The following OTUD7A variants were observed in gnomAD, a reference collection of about 807,000 sequenced individuals.
OTUD7A encodes OTU domain-containing protein 7A.
In OTUD7A, 12 loss-of-function variants were observed where a neutral mutation model predicts 65.7. The ratio of observed to expected loss-of-function variants is 0.18; its 90% confidence interval spans 0.12 to 0.30. The LOEUF (loss-of-function observed/expected upper bound fraction) is 0.30. Ranked by LOEUF, OTUD7A falls within the 10% of genes least tolerant of loss-of-function variation. The probability of loss-of-function intolerance (pLI) is 1.00; values close to 1 mark genes in which losing one functional copy is unlikely to be tolerated. For synonymous variants in OTUD7A, 641 were observed against 586.3 expected (o/e 1.09, Z -1.35); for missense variants, 1,148 against 1,304.8 (o/e 0.88, Z 1.85).
chr15:31,775,379 T>C (rs560098307), intron 1 of OTUD7A, among the ~76,000 whole-genome samples: 2 of 152,326 alleles, frequency 1.3e-5, no homozygotes, highest in East Asian at 3.9e-4. Context: ...GATGAAAACC[T>C]CTGCCTTTGT....
intron 4 of OTUD7A, among the ~76,000 whole-genome samples, chr15:31,560,146 C>G (rs1888643274): frequency 6.6e-6 from 1 of 152,242 alleles, no homozygotes; most frequent in African/African-American, 2.4e-5. Flanking sequence ...TGTCTCGATG[C>G]ATTTATGCAC....
At chr15:31,854,684 A>G (rs1897521187) in intron 1 of OTUD7A, among the ~76,000 whole-genome samples, 1 of 152,192 alleles carries the variant, frequency 6.6e-6, no homozygotes, top group African/African-American at 2.4e-5. Context: ...CCTTAATTCC[A>G]TGCTCAACTT....
chr15:31,753,686 GAT>G (rs1491311983), intron 1 of OTUD7A, among the ~76,000 whole-genome samples: 6 of 52,820 alleles, frequency 1.1e-4, no homozygotes, highest in African/African-American at 6.9e-4. Context: ...TAACCTGTGA[GAT>G]ATATATATAT....
At chr15:31,667,096 G>A (rs1174422620) in intron 1 of OTUD7A, among the ~76,000 whole-genome samples, 2 of 152,168 alleles carry the variant, frequency 1.3e-5, no homozygotes, top group African/African-American at 4.8e-5. Flanking sequence ...AATAGAATGT[G>A]CATTCCGTGG....
At position 31,511,363 on chromosome 15, in the gene OTUD7A, CAT is replaced by C. The variant is rs1170710600; in HGVS notation, c.894-7547_894-7546del. ...TATATGTATATCTATATGTAACACA[CAT>C]ATATATGTATATCTATATGTAACAC... On this transcript the variant is annotated intron_variant, in intron 8 of 12. Coordinates refer to ENST00000307050, the MANE Select transcript of OTUD7A (RefSeq NM_001382637.1). Among the ~76,000 whole-genome samples, 6 of 4,980 alleles carry C rather than the reference CAT, an allele frequency of 1.2e-3. 3 individuals are homozygous for C. The highest frequency in any genetic ancestry group is 9.7e-3 in the Admixed American group (2 of 206). 3.3% of individuals were successfully genotyped at this position (4,980 alleles called of 152,430 possible). A position where few individuals can be genotyped will look rare whatever the true frequency, so the allele number is the denominator to read the frequency against.
chr15:31,519,654 G>C (rs757334548), intron 8 of OTUD7A, among the ~76,000 whole-genome samples: 1 of 152,162 alleles, frequency 6.6e-6, no homozygotes, highest in African/African-American at 2.4e-5. Context: ...CCACAGCGCA[G>C]TCAGGCAAGA....
chr15:31,681,014 T>A (rs1029186583), intron 1 of OTUD7A, among the ~76,000 whole-genome samples: 1 of 149,688 alleles, frequency 6.7e-6, no homozygotes, highest in African/African-American at 2.6e-5. Flanking sequence ...AATATATGTA[T>A]CGGTCTGCCT....
chr15:31,612,900 T>C (rs554644095), intron 3 of OTUD7A, among the ~76,000 whole-genome samples: 1 of 152,224 alleles, frequency 6.6e-6, no homozygotes, highest in East Asian at 1.9e-4. Flanking sequence ...AACTATACTT[T>C]AAGGCCATAG....
chr15:31,632,734 G>GAGGC (rs1439150263), intron 3 of OTUD7A, among the ~76,000 whole-genome samples: 1 of 152,240 alleles, frequency 6.6e-6, no homozygotes, highest in Non-Finnish European at 1.5e-5. Flanking sequence ...GGAGCCTACA[G>GAGGC]AGGCAGGCAG....
At chr15:31,767,875 A>T in intron 1 of OTUD7A, 1 of 1,297,786 alleles carries the variant, frequency 7.7e-7, no homozygotes, top group Non-Finnish European at 1.1e-6. Flanking sequence ...GTAGAGTTTT[A>T]AGTGGCAACG....
intron 4 of OTUD7A, among the ~76,000 whole-genome samples, chr15:31,563,165 G>A (rs1888750332): frequency 6.6e-6 from 1 of 152,144 alleles, no homozygotes; most frequent in Admixed American, 6.5e-5. Context: ...CAGAGAGAAG[G>A]GTCCTTCTAG....
intron 1 of OTUD7A, among the ~76,000 whole-genome samples, chr15:31,675,931 G>GT (rs1432832965): frequency 2.6e-5 from 4 of 152,156 alleles, no homozygotes; most frequent in Admixed American, 6.5e-5. Flanking sequence ...GACTATATTG[G>GT]TAAGTTGCCA....
intron 1 of OTUD7A, among the ~76,000 whole-genome samples, chr15:31,802,204 A>G (rs918867837): frequency 6.6e-6 from 1 of 151,722 alleles, no homozygotes; most frequent in African/African-American, 2.4e-5. Context: ...AAGGTCCCAC[A>G]ATAGGCCGTC....
intron 1 of OTUD7A, among the ~76,000 whole-genome samples, chr15:31,664,502 T>C (rs1309060657): frequency 2.0e-5 from 3 of 149,110 alleles, no homozygotes; most frequent in Non-Finnish European, 4.4e-5. Flanking sequence ...AGCCCACTTT[T>C]TGATGGGATT....
At chr15:31,674,879 A>C (rs1892562102) in intron 1 of OTUD7A, among the ~76,000 whole-genome samples, 1 of 152,240 alleles carries the variant, frequency 6.6e-6, no homozygotes, top group Non-Finnish European at 1.5e-5. Context: ...ACAAAACCCA[A>C]GAAAAGTTGG....
intron 1 of OTUD7A, among the ~76,000 whole-genome samples, chr15:31,661,793 ATTTACTTTTTCAG>A (rs1466780445): frequency 1.3e-5 from 2 of 152,198 alleles, no homozygotes; most frequent in Non-Finnish European, 2.9e-5. Context: ...AAGTTCACAT[ATTTACTTTTTCAG>A]TTTGTTTGAA....
chr15:31,775,225 A>T (rs1472118902), intron 1 of OTUD7A, among the ~76,000 whole-genome samples: 1 of 152,168 alleles, frequency 6.6e-6, no homozygotes, highest in Non-Finnish European at 1.5e-5. Flanking sequence ...GCTCAAGAAA[A>T]TAAAATGCCA....
chr15:31,487,751 C>T lies in OTUD7A; in HGVS notation c.1172-185G>A, dbSNP rs1357054095. Reference sequence around the variant, plus strand: ...AGTTTTTAAAATTTCGTATTTATTGCGGACAGTGGAGAGCAGTTGGAAGCG... The same window carrying T: ...AGTTTTTAAAATTTCGTATTTATTGTGGACAGTGGAGAGCAGTTGGAAGCG... On this transcript the variant is annotated intron_variant, in intron 10 of 12. Transcript: ENST00000307050. This position sits in a 1 kb window ranked among gnomAD's most constrained non-coding sequence, Gnocchi z 6.0. 2.0e-5 allele frequency among the ~76,000 whole-genome samples: 3 copies of T among 152,206 alleles called. No individual in the cohort carries two copies. The highest frequency in any genetic ancestry group is 2.4e-5 in the African/African-American group (1 of 41,446).
chr15:31,483,438 G>A lies in OTUD7A; in HGVS notation c.2658C>T (p.Gly886=), dbSNP rs2041167617. 4.3e-6 allele frequency: 6 copies of A among 1,383,602 alleles called. No homozygotes were observed. Among genetic ancestry groups the A allele is most frequent in the Non-Finnish European group, 5.6e-6 (6 of 1,069,120 alleles). The allele number at this position is 1,383,602 out of a possible 1,614,324, so 85.7% of individuals were successfully genotyped here. The change falls in exon 13 of 13, where the codon GGC becomes GGT. Residue 886 remains glycine, a synonymous_variant. Coordinates refer to ENST00000307050, the MANE Select transcript of OTUD7A (RefSeq NM_001382637.1). ...APTARSNGEC[G]RGGPGPVQRR... is the part of the protein sequence containing the mutation. ...GCTGCACCGGCCCCGGGCCGCCACGGCCGCACTCACCGTTCGAGCGCGCGG... is the reference window on the plus strand; with the variant it reads ...GCTGCACCGGCCCCGGGCCGCCACGACCGCACTCACCGTTCGAGCGCGCGG...
Sources: allele counts gnomAD v4.1 joint callset (sites outside exome capture counted in the v4.1 genomes callset), GRCh38; gene constraint gnomAD v4.1.1; non-coding constraint Gnocchi (gnomAD v3.1); transcripts MANE v1.5; gene names NCBI Gene and HGNC (gene_info 2026-07-23, HGNC 2026-07-21).